SNAP25: variants seen among roughly 807,000 people sequenced by gnomAD.
The protein encoded by SNAP25 is synaptosomal-associated protein 25.
SNAP25 carries 3 observed loss-of-function variants against 28.7 expected under a neutral mutation model. The observed-to-expected ratio is 0.10, with a 90% CI of 0.05 to 0.27. The LOEUF is 0.27. Ranked by LOEUF, SNAP25 falls within the 10% of genes least tolerant of loss-of-function variation. SNAP25 has a pLI of 1.00. For synonymous variants in SNAP25, 61 were observed against 88.1 expected, an observed-to-expected ratio of 0.69 and a Z score of 1.72; for missense variants, 117 against 278.7, an observed-to-expected ratio of 0.42 and a Z score of 4.13.
chr20:10,241,152 A>G (rs555884510), intron 1 of SNAP25, among the ~76,000 whole-genome samples: 1 of 144,868 alleles, frequency 6.9e-6, no homozygotes, highest in East Asian at 2.3e-4. Context: ...AGAGAACTGC[A>G]GAGGCCTTGG....
chr20:10,245,734 G>C (rs765116070), intron 1 of SNAP25, among the ~76,000 whole-genome samples: 1 of 152,126 alleles, frequency 6.6e-6, no homozygotes, highest in Non-Finnish European at 1.5e-5. Context: ...CACACAATAA[G>C]TGCTCAACAT....
chr20:10,271,456 C>T (rs1336452438), intron 1 of SNAP25, among the ~76,000 whole-genome samples: 2 of 152,182 alleles, frequency 1.3e-5, no homozygotes, highest in Non-Finnish European at 2.9e-5. Flanking sequence ...GATTCATCAG[C>T]CCTCCTCCCA....
chr20:10,297,173 G>GTTCTT, intron 6 of SNAP25, 123 bp downstream of exon 6: 1 of 1,249,628 alleles, frequency 8.0e-7, no homozygotes, highest in Non-Finnish European at 1.0e-6. Context: ...CCTGCTAAGT[G>GTTCTT]TTCTTTTCTA....
At chr20:10,278,554 AT>A (rs1442609537) in intron 3 of SNAP25, among the ~76,000 whole-genome samples, 1 of 152,162 alleles carries the variant, frequency 6.6e-6, no homozygotes, top group Admixed American at 6.5e-5. Flanking sequence ...GACAAGCCTA[AT>A]AGTTTTTATT....
rs1297076311 is a variant in SNAP25, at chr20:10,284,782, G to T, written c.163+10G>T. 1 of 1,606,148 alleles carries T rather than the reference G, an allele frequency of 6.2e-7. No individual in the cohort carries two copies. Among genetic ancestry groups the T allele is most frequent in the Non-Finnish European group, 8.5e-7 (1 of 1,173,098 alleles). On this transcript the variant is annotated intron_variant, in intron 4 of 7. Transcript: ENST00000254976. ...TTGGATGAACAAGGAGGTAAGTTCAGATTTCTTCAGTAAGAACAATTCCTC... is the reference window on the plus strand; with the variant it reads ...TTGGATGAACAAGGAGGTAAGTTCATATTTCTTCAGTAAGAACAATTCCTC...
intron 1 of SNAP25, among the ~76,000 whole-genome samples, chr20:10,242,907 C>A (rs1273393249): frequency 6.6e-6 from 1 of 152,224 alleles, no homozygotes; most frequent in African/African-American, 2.4e-5. Context: ...GGTATCTGAT[C>A]CTGTTTCTGA....
At chr20:10,228,127 T>C (rs2062764832) in intron 1 of SNAP25, among the ~76,000 whole-genome samples, 1 of 152,160 alleles carries the variant, frequency 6.6e-6, no homozygotes, top group African/African-American at 2.4e-5. Flanking sequence ...GCATATCTTT[T>C]TTCCCCATTC....
intron 1 of SNAP25, among the ~76,000 whole-genome samples, chr20:10,246,889 A>G (rs73256330): frequency 5.3e-5 from 8 of 152,270 alleles, no homozygotes; most frequent in African/African-American, 1.9e-4. Flanking sequence ...GCAATTTAGC[A>G]TAAAGGTTAA....
At chr20:10,299,782 G>A (rs1182370614) in intron 7 of SNAP25, among the ~76,000 whole-genome samples, 3 of 152,124 alleles carry the variant, frequency 2.0e-5, no homozygotes, top group Non-Finnish European at 4.4e-5. Flanking sequence ...TTCACTAAGA[G>A]ATCCACAGAT....
chr20:10,220,719 G>A (rs562419562), intron 1 of SNAP25, among the ~76,000 whole-genome samples: 1 of 152,300 alleles, frequency 6.6e-6, no homozygotes, highest in East Asian at 1.9e-4. Flanking sequence ...AAGAGTAACA[G>A]CGTCATATGT....
intron 4 of SNAP25, among the ~76,000 whole-genome samples, chr20:10,286,892 A>G (rs186261590): frequency 1.1e-3 from 167 of 152,254 alleles, no homozygotes; most frequent in Middle Eastern, 6.8e-3. Context: ...GAACTCCCCC[A>G]ATGGGTTTGT....
chr20:10,251,381 T>G (rs2063224172), intron 1 of SNAP25, among the ~76,000 whole-genome samples: 1 of 152,164 alleles, frequency 6.6e-6, no homozygotes, highest in Admixed American at 6.5e-5. Flanking sequence ...AAAGGCAGCC[T>G]TGGTCCAAGC....
intron 4 of SNAP25, among the ~76,000 whole-genome samples, chr20:10,292,172 G>A (rs182942146): frequency 1.2e-4 from 19 of 152,282 alleles, no homozygotes; most frequent in African/African-American, 4.3e-4. Context: ...GGAAATCAGG[G>A]GGCAGAGAAG....
intron 1 of SNAP25, among the ~76,000 whole-genome samples, chr20:10,262,838 C>T (rs1426082563): frequency 2.0e-5 from 3 of 151,974 alleles, no homozygotes; most frequent in Non-Finnish European, 4.4e-5. Flanking sequence ...TGGTTTGTCT[C>T]ACCTTAAGGC....
chr20:10,286,079 T>C (rs2063871720), intron 4 of SNAP25, among the ~76,000 whole-genome samples: 1 of 152,196 alleles, frequency 6.6e-6, no homozygotes, highest in Non-Finnish European at 1.5e-5. Context: ...TTTACAGTTA[T>C]ATGAAGTAAA....
intron 1 of SNAP25, among the ~76,000 whole-genome samples, chr20:10,272,728 G>A (rs1266381282): frequency 8.5e-5 from 13 of 152,096 alleles, no homozygotes; most frequent in Admixed American, 2.6e-4. Flanking sequence ...TGCTCTGTCA[G>A]TTATAAAATG....
At chr20:10,233,785 C>G (rs141269716) in intron 1 of SNAP25, among the ~76,000 whole-genome samples, 1 of 152,154 alleles carries the variant, frequency 6.6e-6, no homozygotes, top group African/African-American at 2.4e-5. Flanking sequence ...GTATCTCAGG[C>G]GTCTGGTTTT....
chr20:10,255,169 G>A (rs1042192834), intron 1 of SNAP25, among the ~76,000 whole-genome samples: 4 of 152,158 alleles, frequency 2.6e-5, no homozygotes, highest in Non-Finnish European at 5.9e-5. Context: ...GTGGGCCCAC[G>A]GATAAGAATA....
chr20:10,267,638 C>T (rs550999263), intron 1 of SNAP25, among the ~76,000 whole-genome samples: 4 of 152,244 alleles, frequency 2.6e-5, no homozygotes, highest in Admixed American at 6.5e-5. Context: ...CTACAACCTC[C>T]GCCTCCCAGG....
Sources: allele counts gnomAD v4.1 joint callset (sites outside exome capture counted in the v4.1 genomes callset), GRCh38; gene constraint gnomAD v4.1.1; transcripts MANE v1.5; gene names NCBI Gene and HGNC (gene_info 2026-07-23, HGNC 2026-07-21).